The following NTNG1 variants were observed in gnomAD, a reference collection of about 807,000 sequenced individuals.
NTNG1 encodes the protein netrin G1, also known as netrin-G1.
Under a neutral mutation model 54.0 loss-of-function variants are expected in NTNG1, and 16 were observed. The ratio of observed to expected loss-of-function variants is 0.30; its 90% CI spans 0.20 to 0.45. The LOEUF is 0.45. Among genes scored for constraint, NTNG1 ranks in the 20% least tolerant of loss-of-function variants. The pLI is 1.00. For synonymous variants in NTNG1, 255 were observed against 263.1 expected (o/e 0.97, Z 0.30); for missense variants, 530 against 678.7 (o/e 0.78, Z 2.43).
intron 2 of NTNG1, among the ~76,000 whole-genome samples, chr1:107,161,373 C>T (rs1017613079): frequency 3.9e-5 from 6 of 152,136 alleles, no homozygotes; most frequent in Middle Eastern, 3.4e-3. Context: ...GCAACCACAA[C>T]TTATAGGCCG....
chr1:107,331,502 T>G (rs939973163), intron 3 of NTNG1, among the ~76,000 whole-genome samples: 3 of 152,156 alleles, frequency 2.0e-5, no homozygotes, highest in Admixed American at 6.6e-5. Context: ...AATCAAATTG[T>G]GATGATAGCT....
chr1:107,464,860 A>C (rs912851827), intron 7 of NTNG1, among the ~76,000 whole-genome samples: 3 of 152,200 alleles, frequency 2.0e-5, no homozygotes, highest in African/African-American at 7.2e-5. Context: ...AAGGTTTTAA[A>C]GTTTAAATGT....
chr1:107,199,186 T>G (rs577785211), intron 2 of NTNG1, among the ~76,000 whole-genome samples: 1 of 152,020 alleles, frequency 6.6e-6, no homozygotes, highest in East Asian at 1.9e-4. Flanking sequence ...TATATCATTT[T>G]ATGATTTTAT....
intron 2 of NTNG1, among the ~76,000 whole-genome samples, chr1:107,277,689 C>T (rs1455226172): frequency 1.3e-5 from 2 of 152,130 alleles, no homozygotes; most frequent in African/African-American, 4.8e-5. Context: ...TTTTTTGGAT[C>T]TTACAGTTTA....
chr1:107,408,222 A>G, intron 5 of NTNG1: 1 of 215,496 alleles, frequency 4.6e-6, no homozygotes, highest in Non-Finnish European at 9.4e-6. Context: ...AAGGCCTGAA[A>G]CAGGCAAATT....
chr1:107,458,776 T>A (rs867975612), intron 7 of NTNG1, among the ~76,000 whole-genome samples: 32 of 152,194 alleles, frequency 2.1e-4, no homozygotes, highest in Admixed American at 1.0e-3. Flanking sequence ...CCTTGGCATA[T>A]CATTTTTGCA....
intron 2 of NTNG1, among the ~76,000 whole-genome samples, chr1:107,257,009 T>A (rs926163258): frequency 1.3e-5 from 2 of 152,198 alleles, no homozygotes; most frequent in Non-Finnish European, 1.5e-5. Flanking sequence ...AGATTTTTCT[T>A]TCTGGTCTGA....
intron 4 of NTNG1, among the ~76,000 whole-genome samples, chr1:107,403,290 G>T (rs186619430): frequency 1.3e-5 from 2 of 152,092 alleles, no homozygotes; most frequent in African/African-American, 4.8e-5. Flanking sequence ...TTTTTTCAGC[G>T]TATGGTAGCA....
intron 5 of NTNG1, chr1:107,410,483 T>C (rs1041404231): frequency 3.3e-5 from 5 of 152,190 alleles, no homozygotes; most frequent in Admixed American, 6.5e-5. Flanking sequence ...TAAGGATACT[T>C]GACTTAGAAC....
intron 2 of NTNG1, among the ~76,000 whole-genome samples, chr1:107,210,376 C>A (rs936407796): frequency 3.3e-5 from 5 of 151,928 alleles, no homozygotes; most frequent in African/African-American, 1.2e-4. Context: ...GGCAGTGGTC[C>A]GGAGAACAGA....
chr1:107,215,643 A>G (rs889899344), intron 2 of NTNG1, among the ~76,000 whole-genome samples: 2 of 151,772 alleles, frequency 1.3e-5, no homozygotes, highest in Admixed American at 1.3e-4. Context: ...GTTCCATATG[A>G]ATTTTGAGAT....
At chr1:107,358,795 G>A (rs1334964856) in intron 3 of NTNG1, among the ~76,000 whole-genome samples, 1 of 152,154 alleles carries the variant, frequency 6.6e-6, no homozygotes, top group Admixed American at 6.5e-5. Context: ...ACCCTGCTGT[G>A]AGGACAGCTT....
At chr1:107,332,938 T>C (rs958118922) in intron 3 of NTNG1, among the ~76,000 whole-genome samples, 6 of 151,872 alleles carry the variant, frequency 4.0e-5, no homozygotes, top group African/African-American at 1.4e-4. Context: ...GAAAGGAAAA[T>C]TTAAAAATTA....
chr1:107,242,327 C>T (rs767091890), intron 2 of NTNG1, among the ~76,000 whole-genome samples: 31 of 152,152 alleles, frequency 2.0e-4, no homozygotes, highest in Admixed American at 3.3e-4. Flanking sequence ...TGTTTGATCT[C>T]GCTCTCTCTC....
intron 2 of NTNG1, among the ~76,000 whole-genome samples, chr1:107,305,585 A>AT (rs548028352): frequency 0.013 from 1,963 of 150,600 alleles, 40 homozygotes; most frequent in African/African-American, 0.045. Flanking sequence ...TGATGGGGTT[A>AT]TTTTTTTTTC....
intron 2 of NTNG1, among the ~76,000 whole-genome samples, chr1:107,283,662 A>AT (rs1317389538): frequency 5.9e-5 from 9 of 152,100 alleles, no homozygotes; most frequent in Non-Finnish European, 1.2e-4. Flanking sequence ...GAGACTTGGT[A>AT]TTTTTTATCT....
intron 4 of NTNG1, among the ~76,000 whole-genome samples, chr1:107,405,043 A>G (rs532421487): frequency 3.3e-5 from 5 of 152,258 alleles, no homozygotes; most frequent in Non-Finnish European, 5.9e-5. Context: ...TTCATGAAAT[A>G]AATTGTTGCA....
chr1:107,338,555 C>T (rs997526135), intron 3 of NTNG1, among the ~76,000 whole-genome samples: 2 of 151,892 alleles, frequency 1.3e-5, no homozygotes, highest in African/African-American at 2.4e-5. Flanking sequence ...CCCAGGCAAG[C>T]ACCTAGGAGG....
At chr1:107,431,812 C>CTA (rs1675284639) in intron 6 of NTNG1, among the ~76,000 whole-genome samples, 1 of 152,198 alleles carries the variant, frequency 6.6e-6, no homozygotes. Flanking sequence ...CAGTAGGTAG[C>CTA]TATATAGGCA....
Sources: allele counts gnomAD v4.1 joint callset (sites outside exome capture counted in the v4.1 genomes callset), GRCh38; gene constraint gnomAD v4.1.1; transcripts MANE v1.5; gene names NCBI Gene and HGNC (gene_info 2026-07-23, HGNC 2026-07-21).